The following SEMA3A variants were observed in gnomAD, a reference collection of about 807,000 sequenced individuals.
SEMA3A encodes the protein semaphorin-3A.
Under a neutral mutation model 97.9 loss-of-function variants are expected in SEMA3A, and 29 were observed. The ratio of observed to expected loss-of-function variants is 0.30; its 90% CI spans 0.22 to 0.40. The LOEUF is 0.40. SEMA3A is among the 10% of genes least tolerant of loss of function. SEMA3A has a pLI of 1.00. For missense variants in SEMA3A, 763 were observed against 951.3 expected, an observed-to-expected ratio of 0.80 and a Z score of 2.60; for synonymous variants, 321 against 323.7, an observed-to-expected ratio of 0.99 and a Z score of 0.09.
chr7:84,448,636 T>A (rs2116359619), intron 1 of SEMA3A, among the ~76,000 whole-genome samples: 1 of 151,966 alleles, frequency 6.6e-6, no homozygotes, highest in East Asian at 1.9e-4. Context: ...CAAGAAAAAC[T>A]ACAAAACATT....
Position 84,435,539 on chromosome 7 carries a change from C to T in SEMA3A, c.-246+56921G>A, listed in dbSNP as rs371366747. Among the ~76,000 whole-genome samples the T allele has an allele frequency of 1.1e-4, 17 of 152,238 alleles. No homozygotes were observed. The East Asian group carries it at 1.5e-3, about 14-fold the overall frequency. ...AGGAGATTCGCTTGAACCTGGGAGG[C>T]GGAAGTTGCAGTGAGCCAAGATCGG... On this transcript the variant is annotated intron_variant, in intron 1 of 3. Transcript: ENST00000424555.
At chr7:84,341,816 C>G (rs1410219944) in intron 2 of SEMA3A, among the ~76,000 whole-genome samples, 3 of 152,110 alleles carry the variant, frequency 2.0e-5, no homozygotes, top group Non-Finnish European at 4.4e-5. Context: ...GGATGTTCCA[C>G]CTTTCAGACT....
intron 5 of SEMA3A, among the ~76,000 whole-genome samples, chr7:84,048,177 G>A (rs2115594147): frequency 6.6e-6 from 1 of 152,072 alleles, no homozygotes; most frequent in Middle Eastern, 3.4e-3. Context: ...ATCCTAAATT[G>A]TCACAGCATG....
intron 3 of SEMA3A, among the ~76,000 whole-genome samples, chr7:84,257,805 A>T (rs1799752048): frequency 6.6e-6 from 1 of 152,178 alleles, no homozygotes; most frequent in Admixed American, 6.5e-5. Context: ...TTATTCATAA[A>T]ATGTAAAGAA....
chr7:84,214,487 A>G (rs372974475), intron 3 of SEMA3A, among the ~76,000 whole-genome samples: 24 of 152,314 alleles, frequency 1.6e-4, no homozygotes, highest in Admixed American at 3.9e-4. Flanking sequence ...CTCACAAAAC[A>G]TGATGAGGAA....
intron 1 of SEMA3A, among the ~76,000 whole-genome samples, chr7:84,434,218 G>T (rs1269325752): frequency 6.6e-6 from 1 of 151,978 alleles, no homozygotes; most frequent in African/African-American, 2.4e-5. Flanking sequence ...GTCTTCTTTT[G>T]AGAAGTGTGT....
intron 1 of SEMA3A, among the ~76,000 whole-genome samples, chr7:84,417,942 C>T (rs546597398): frequency 2.0e-5 from 3 of 152,180 alleles, no homozygotes; most frequent in South Asian, 2.1e-4. Context: ...ATATTAAATA[C>T]TTATTTCTCA....
chr7:84,430,530 T>C (rs898255570), intron 1 of SEMA3A, among the ~76,000 whole-genome samples: 5 of 152,042 alleles, frequency 3.3e-5, no homozygotes, highest in African/African-American at 1.2e-4. Context: ...GTATCTAACA[T>C]GGTCAGTTTA....
At chr7:84,399,812 G>A (rs1270345091) in intron 1 of SEMA3A, among the ~76,000 whole-genome samples, 2 of 152,156 alleles carry the variant, frequency 1.3e-5, no homozygotes, top group Non-Finnish European at 2.9e-5. Flanking sequence ...GCAAGCTACA[G>A]TAATGTGCTG....
intron 4 of SEMA3A, among the ~76,000 whole-genome samples, chr7:84,062,206 A>C (rs1052939128): frequency 2.6e-5 from 4 of 152,240 alleles, no homozygotes; most frequent in Admixed American, 6.5e-5. Context: ...ATTATTTTCA[A>C]CTTTCCTAAC....
chr7:84,206,189 CTGATT>C, intron 3 of SEMA3A, among the ~76,000 whole-genome samples: 1 of 152,154 alleles, frequency 6.6e-6, no homozygotes, highest in East Asian at 1.9e-4. Flanking sequence ...TCTTCCCATT[CTGATT>C]TATTTAAATG....
At chr7:83,983,713 A>T (rs1370229532) in intron 13 of SEMA3A, among the ~76,000 whole-genome samples, 1 of 152,122 alleles carries the variant, frequency 6.6e-6, no homozygotes, top group Non-Finnish European at 1.5e-5. Flanking sequence ...ATGCTATCCA[A>T]ATGAAATATA....
At chr7:84,030,387 T>C (rs2116462274) in intron 6 of SEMA3A, among the ~76,000 whole-genome samples, 1 of 152,300 alleles carries the variant, frequency 6.6e-6, no homozygotes. Flanking sequence ...TTAGACAGTA[T>C]GCTTACTCTG....
chr7:84,052,389 T>G (rs1285485307), intron 5 of SEMA3A, among the ~76,000 whole-genome samples: 3 of 152,172 alleles, frequency 2.0e-5, no homozygotes, highest in South Asian at 2.1e-4. Flanking sequence ...CAATTTCAGA[T>G]CCTGTTATTG....
chr7:84,110,711 TCCCTTTCACAACA>T, intron 3 of SEMA3A, 122 bp from the exon 4 acceptor site: 1 of 1,074,018 alleles, frequency 9.3e-7, no homozygotes, highest in Non-Finnish European at 1.3e-6. Context: ...TTTTTTGGCA[TCCCTTTCACAACA>T]TTTTAAGGAC....
upstream of SEMA3A, among the ~76,000 whole-genome samples, chr7:84,199,844 A>G (rs1798312668): frequency 6.6e-6 from 1 of 152,156 alleles, no homozygotes; most frequent in African/African-American, 2.4e-5. Flanking sequence ...CAAAAATGAT[A>G]GTGATTTAGG....
chr7:84,477,685 G>C (rs557724854), intron 1 of SEMA3A, among the ~76,000 whole-genome samples: 1 of 152,014 alleles, frequency 6.6e-6, no homozygotes, highest in Non-Finnish European at 1.5e-5. Flanking sequence ...TAGAGGTGTT[G>C]GGGTGTGAGA....
chr7:84,424,867 T>G (rs186828595), intron 1 of SEMA3A, among the ~76,000 whole-genome samples: 1 of 75,168 alleles, frequency 1.3e-5, no homozygotes, highest in Admixed American at 2.5e-4. Flanking sequence ...TTTATATAAA[T>G]ATAAATATAT....
intron 12 of SEMA3A, among the ~76,000 whole-genome samples, chr7:83,996,316 T>TC (rs1790217044): frequency 6.7e-6 from 1 of 150,098 alleles, no homozygotes; most frequent in African/African-American, 2.5e-5. Context: ...TTTTTTTTTT[T>TC]TTTTGAGATG....
Sources: gnomAD v4.1 joint callset for allele counts (sites outside exome capture counted in the v4.1 genomes callset) on GRCh38, gnomAD v4.1.1 for gene constraint, MANE v1.5 for transcripts, NCBI Gene and HGNC (gene_info 2026-07-23, HGNC 2026-07-21) for gene names.